GUCY1A2: variants seen among roughly 807,000 people sequenced by gnomAD.
The protein encoded by GUCY1A2 is guanylate cyclase soluble subunit alpha-2.
GUCY1A2 carries 27 observed loss-of-function variants against 63.5 expected under a neutral mutation model. That is an observed-to-expected ratio of 0.43 (90% CI 0.31 to 0.59). The LOEUF is 0.59. Ranked by LOEUF, GUCY1A2 falls within the 20% of genes least tolerant of loss-of-function variation. The pLI is 0.11. For synonymous variants in GUCY1A2, 364 were observed against 343.5 expected (o/e 1.06, Z -0.66); for missense variants, 768 against 913.3 (o/e 0.84, Z 2.05).
At chr11:106,711,959 TTTTAAG>T (rs1262670677) in intron 6 of GUCY1A2, among the ~76,000 whole-genome samples, 1 of 152,134 alleles carries the variant, frequency 6.6e-6, no homozygotes, top group Non-Finnish European at 1.5e-5. Flanking sequence ...TTCTGGTTGC[TTTTAAG>T]TTTTTCTTTT....
intron 3 of GUCY1A2, among the ~76,000 whole-genome samples, chr11:106,958,391 T>G (rs1861017540): frequency 6.6e-6 from 1 of 152,178 alleles, no homozygotes; most frequent in African/African-American, 2.4e-5. Context: ...AATTCCTTCC[T>G]TCTTGCATGT....
chr11:106,919,202 A>C (rs1860408267), intron 4 of GUCY1A2, among the ~76,000 whole-genome samples: 1 of 152,130 alleles, frequency 6.6e-6, no homozygotes, highest in African/African-American at 2.4e-5. Flanking sequence ...ATGTTCAAAA[A>C]CATGAAGAAA....
intron 4 of GUCY1A2, chr11:106,824,115 A>T: frequency 1.3e-6 from 2 of 1,510,100 alleles, no homozygotes; most frequent in Non-Finnish European, 1.8e-6. Flanking sequence ...ACCTAAAGCT[A>T]ATCTTCTGAA....
At chr11:106,726,255 A>G (rs1182453156) in intron 6 of GUCY1A2, among the ~76,000 whole-genome samples, 1 of 152,026 alleles carries the variant, frequency 6.6e-6, no homozygotes, top group Non-Finnish European at 1.5e-5. Context: ...TCTCTACTAA[A>G]AAACACAAAA....
At chr11:106,698,138 T>TTTTTTTTTTTTTTTTTTTTTTTTTTTTTA (rs1555020237) in intron 7 of GUCY1A2, among the ~76,000 whole-genome samples, 19 of 145,858 alleles carry the variant, frequency 1.3e-4, no homozygotes, top group South Asian at 2.1e-4. Flanking sequence ...TTTTTTTTTT[T>TTTTTTTTTTTTTTTTTTTTTTTTTTTTTA]AGACAGGGTC....
intron 6 of GUCY1A2, among the ~76,000 whole-genome samples, chr11:106,730,608 G>A (rs2135371001): frequency 6.6e-6 from 1 of 152,084 alleles, no homozygotes; most frequent in African/African-American, 2.4e-5. Flanking sequence ...ATGGAACAAT[G>A]TATATTCCTT....
chr11:106,953,633 G>A (rs1860941776), intron 3 of GUCY1A2, among the ~76,000 whole-genome samples: 1 of 151,904 alleles, frequency 6.6e-6, no homozygotes, highest in Non-Finnish European at 1.5e-5. Context: ...GAATTCAGCT[G>A]TGAATCCATC....
chr11:106,983,031 G>T (rs1039549679), intron 2 of GUCY1A2, among the ~76,000 whole-genome samples: 1 of 152,142 alleles, frequency 6.6e-6, no homozygotes, highest in Non-Finnish European at 1.5e-5. Flanking sequence ...CCAGTAATAC[G>T]TGTTTTAACA....
intron 4 of GUCY1A2, among the ~76,000 whole-genome samples, chr11:106,879,074 G>A (rs1859789893): frequency 6.6e-6 from 1 of 151,976 alleles, no homozygotes; most frequent in Admixed American, 6.6e-5. Flanking sequence ...TCCTTGTAAT[G>A]GATATGTCCT....
chr11:106,756,778 C>G (rs925506072), intron 6 of GUCY1A2, among the ~76,000 whole-genome samples: 5 of 152,164 alleles, frequency 3.3e-5, no homozygotes, highest in Non-Finnish European at 5.9e-5. Flanking sequence ...CTGTCCCTAA[C>G]ATTTTTTCCT....
At chr11:106,967,363 AG>A (rs1201931016) in intron 3 of GUCY1A2, among the ~76,000 whole-genome samples, 1 of 152,160 alleles carries the variant, frequency 6.6e-6, no homozygotes, top group East Asian at 1.9e-4. Flanking sequence ...CAATAGTAAT[AG>A]TGGACAGGAA....
intron 4 of GUCY1A2, among the ~76,000 whole-genome samples, chr11:106,910,042 A>G (rs1203218209): frequency 6.6e-6 from 1 of 152,040 alleles, no homozygotes; most frequent in Non-Finnish European, 1.5e-5. Flanking sequence ...CTAAGCTAAT[A>G]ATCAGAAATG....
intron 1 of GUCY1A2, among the ~76,000 whole-genome samples, chr11:107,012,407 A>G (rs1861760063): frequency 6.6e-6 from 1 of 152,178 alleles, no homozygotes; most frequent in African/African-American, 2.4e-5. Flanking sequence ...AAATTAATAG[A>G]TCTCACCCTG....
At chr11:106,954,853 G>T (rs992863409) in intron 3 of GUCY1A2, among the ~76,000 whole-genome samples, 1 of 151,824 alleles carries the variant, frequency 6.6e-6, no homozygotes, top group African/African-American at 2.4e-5. Context: ...CTTTCCATTT[G>T]CTTGGTAAAT....
chr11:107,006,526 C>T (rs1173430066), intron 1 of GUCY1A2, among the ~76,000 whole-genome samples: 1 of 152,158 alleles, frequency 6.6e-6, no homozygotes, highest in Non-Finnish European at 1.5e-5. Flanking sequence ...CCAAATTATA[C>T]AGAAGTCTAA....
rs1380912574 is a variant in GUCY1A2 at position 106,681,196 on chromosome 11, TTCTGAAG to T, written c.*6346_*6352del. 4.6e-6 allele frequency: 1 copy of T among 217,978 alleles called. No individual in the cohort carries two copies. Among genetic ancestry groups the T allele is most frequent in the African/African-American group, 2.2e-5 (1 of 44,512 alleles). 13.5% of individuals were successfully genotyped at this position (217,978 alleles called of 1,614,324 possible). Reference sequence around the variant, plus strand: ...TACAGGTGACTTTCAGTCAATCATATTCTGAAGTCAAAATACTATCATACTTACCAAA... The same window carrying T: ...TACAGGTGACTTTCAGTCAATCATATTCAAAATACTATCATACTTACCAAA... On this transcript the variant is annotated 3_prime_UTR_variant, in exon 8 of 8. Transcript: ENST00000526355.
At chr11:106,985,614 G>A (rs527731342) in intron 2 of GUCY1A2, among the ~76,000 whole-genome samples, 27 of 152,152 alleles carry the variant, frequency 1.8e-4, no homozygotes, top group Non-Finnish European at 3.8e-4. Flanking sequence ...AGAAATAGAT[G>A]ATAATAAAGA....
intron 6 of GUCY1A2, among the ~76,000 whole-genome samples, chr11:106,761,086 A>T (rs1488122189): frequency 6.6e-6 from 1 of 152,206 alleles, no homozygotes; most frequent in East Asian, 1.9e-4. Context: ...AATTGCCAGA[A>T]AAAGAAAAAC....
At chr11:106,844,399 C>A (rs997385238) in intron 4 of GUCY1A2, among the ~76,000 whole-genome samples, 4 of 151,710 alleles carry the variant, frequency 2.6e-5, no homozygotes, top group African/African-American at 7.3e-5. Context: ...TATCACCAGA[C>A]AAATTCAGTA....
Sources: allele counts gnomAD v4.1 joint callset (sites outside exome capture counted in the v4.1 genomes callset), GRCh38; gene constraint gnomAD v4.1.1; transcripts MANE v1.5; gene names NCBI Gene and HGNC (gene_info 2026-07-23, HGNC 2026-07-21).